The following SHISA9 variants were observed in gnomAD, a reference collection of about 807,000 sequenced individuals.
The protein encoded by SHISA9 is shisa family member 9, also known as protein shisa-9.
SHISA9 carries 13 observed loss-of-function variants against 38.0 expected under a neutral mutation model. That is an observed-to-expected ratio of 0.34 (90% CI 0.22 to 0.54). SHISA9 has a LOEUF of 0.54. SHISA9 is among the 20% of genes least tolerant of loss of function. The probability of loss-of-function intolerance (pLI) is 0.91; values close to 1 mark genes in which losing one functional copy is unlikely to be tolerated. For synonymous variants in SHISA9, 275 were observed against 242.0 expected (o/e 1.14, Z -1.27); for missense variants, 538 against 575.8 (o/e 0.93, Z 0.67).
intron 2 of SHISA9, among the ~76,000 whole-genome samples, chr16:13,173,159 A>G (rs201973934): frequency 1.4e-3 from 162 of 115,284 alleles, no homozygotes; most frequent in African/African-American, 4.6e-3. Context: ...GTGCGCACAC[A>G]CACACACACA....
intron 2 of SHISA9, among the ~76,000 whole-genome samples, chr16:13,099,161 G>A (rs2073854862): frequency 2.0e-5 from 3 of 152,190 alleles, no homozygotes; most frequent in South Asian, 2.1e-4. Flanking sequence ...ATCATCTATG[G>A]CTGATGCTGC....
chr16:13,247,164 C>T, the SHISA9 span, among the ~76,000 whole-genome samples: 4 of 152,054 alleles, frequency 2.6e-5, no homozygotes, highest in South Asian at 2.1e-4. Context: ...AAATGCCACA[C>T]TTGTAAACCA....
At chr16:13,410,858 C>T in the SHISA9 span, among the ~76,000 whole-genome samples, 1 of 152,138 alleles carries the variant, frequency 6.6e-6, no homozygotes, top group African/African-American at 2.4e-5. Flanking sequence ...CGGAAATTGA[C>T]CATAGCCTGA....
the SHISA9 span, among the ~76,000 whole-genome samples, chr16:13,326,276 C>G: frequency 6.6e-6 from 1 of 152,072 alleles, no homozygotes; most frequent in South Asian, 2.1e-4. Context: ...CTCATGAGCC[C>G]ACTAAGAATA....
chr16:13,142,346 C>T (rs749088647), intron 2 of SHISA9, among the ~76,000 whole-genome samples: 1 of 152,190 alleles, frequency 6.6e-6, no homozygotes, highest in Non-Finnish European at 1.5e-5. Flanking sequence ...AGTTTGAGTT[C>T]CCCGAACTAT....
At chr16:13,090,358 G>A (rs756057652) in intron 2 of SHISA9, among the ~76,000 whole-genome samples, 18 of 152,206 alleles carry the variant, frequency 1.2e-4, no homozygotes, top group South Asian at 4.1e-4. Flanking sequence ...GGATATCCTC[G>A]TTAACCTTCT....
chr16:12,990,492 C>G (rs1257426532), intron 2 of SHISA9, among the ~76,000 whole-genome samples: 1 of 152,214 alleles, frequency 6.6e-6, no homozygotes, highest in African/African-American at 2.4e-5. Flanking sequence ...GAGATGGTAT[C>G]TCACTGTGGT....
the SHISA9 span, among the ~76,000 whole-genome samples, chr16:13,444,426 AGG>A: frequency 1.3e-5 from 2 of 150,972 alleles, no homozygotes; most frequent in Admixed American, 1.3e-4. Context: ...GGAGGAAGGA[AGG>A]AAGGAAGGAA....
chr16:12,924,989 G>T (rs960182346), intron 2 of SHISA9, among the ~76,000 whole-genome samples: 1 of 152,180 alleles, frequency 6.6e-6, no homozygotes, highest in Admixed American at 6.5e-5. Context: ...ATAGTGCCTG[G>T]TAACATAAAT....
intron 3 of SHISA9, among the ~76,000 whole-genome samples, chr16:13,208,603 C>A (rs544535285): frequency 1.3e-5 from 2 of 152,058 alleles, no homozygotes; most frequent in Non-Finnish European, 2.9e-5. Context: ...CATGTAACTG[C>A]AGAATGGTTT....
the SHISA9 span, among the ~76,000 whole-genome samples, chr16:13,339,159 T>C: frequency 3.0e-5 from 4 of 135,066 alleles, no homozygotes; most frequent in Admixed American, 1.7e-4. Context: ...CAATCCCTTA[T>C]TGTGACTTTT....
At chr16:13,272,354 G>A in the SHISA9 span, among the ~76,000 whole-genome samples, 6 of 151,958 alleles carry the variant, frequency 3.9e-5, no homozygotes, top group East Asian at 3.9e-4. Flanking sequence ...TCTGCCACAG[G>A]TAGACTCCAT....
At chr16:13,039,376 C>A (rs1267986306) in intron 2 of SHISA9, among the ~76,000 whole-genome samples, 1 of 151,946 alleles carries the variant, frequency 6.6e-6, no homozygotes, top group African/African-American at 2.4e-5. Context: ...GTGACTTGTA[C>A]AAGGTAATAC....
At chr16:13,534,390 A>C in the SHISA9 span, among the ~76,000 whole-genome samples, 1 of 151,854 alleles carries the variant, frequency 6.6e-6, no homozygotes, top group East Asian at 2.0e-4. Flanking sequence ...ATACCTGGCT[A>C]ATTTTTGTAT....
At chr16:13,245,493 A>T in the SHISA9 span, among the ~76,000 whole-genome samples, 1 of 152,222 alleles carries the variant, frequency 6.6e-6, no homozygotes, top group Non-Finnish European at 1.5e-5. Flanking sequence ...ATAGATAAAA[A>T]GACAGTAGCT....
chr16:13,262,208 C>G, the SHISA9 span, among the ~76,000 whole-genome samples: 1 of 152,154 alleles, frequency 6.6e-6, no homozygotes, highest in Non-Finnish European at 1.5e-5. Flanking sequence ...ACATACAAAA[C>G]CAGTCCTGAT....
At chr16:13,358,597 C>G in the SHISA9 span, among the ~76,000 whole-genome samples, 150 of 152,250 alleles carry the variant, frequency 9.9e-4, 1 homozygote, top group South Asian at 0.03. Context: ...CTTCAGGACC[C>G]AAAAACCGTA....
chr16:13,308,008 G>T, the SHISA9 span, among the ~76,000 whole-genome samples: 4 of 152,302 alleles, frequency 2.6e-5, no homozygotes, highest in East Asian at 7.7e-4. Context: ...ACAGACCAGG[G>T]AAAATTTGTT....
At chr16:13,457,065 G>A in the SHISA9 span, among the ~76,000 whole-genome samples, 1 of 152,238 alleles carries the variant, frequency 6.6e-6, no homozygotes, top group South Asian at 2.1e-4. Flanking sequence ...CCAGCACTTT[G>A]GGAGGCCAAG....
Sources: gnomAD v4.1 joint callset for allele counts (sites outside exome capture counted in the v4.1 genomes callset) on GRCh38, gnomAD v4.1.1 for gene constraint, MANE v1.5 for transcripts, NCBI Gene and HGNC (gene_info 2026-07-23, HGNC 2026-07-21) for gene names.